Variants in SBNO2 observed in about 807,000 individuals in gnomAD.
SBNO2 encodes the protein protein strawberry notch homolog 2.
SBNO2 carries 89 observed loss-of-function variants against 146.3 expected under a neutral mutation model. That is an observed-to-expected ratio of 0.61 (90% CI 0.51 to 0.73). The LOEUF is 0.73. Ranked by LOEUF, SBNO2 falls within the 30% of genes least tolerant of loss-of-function variation. The pLI, the probability that SBNO2 is intolerant of heterozygous loss-of-function variation, is 0.00. For missense variants in SBNO2, 2,092 were observed against 2,003.7 expected (o/e 1.04, Z -0.84); for synonymous variants, 1,147 against 892.6 (o/e 1.29, Z -5.08).
intron 1 of SBNO2, among the ~76,000 whole-genome samples, chr19:1,172,703 G>A (rs906643801): frequency 3.3e-5 from 5 of 150,656 alleles, no homozygotes; most frequent in Admixed American, 1.3e-4. Flanking sequence ...TGCGGCCCTG[G>A]GTCCTCGGCC....
intron 1 of SBNO2, among the ~76,000 whole-genome samples, chr19:1,159,285 C>T (rs920689300): frequency 2.0e-5 from 3 of 151,760 alleles, no homozygotes; most frequent in Admixed American, 6.6e-5. Context: ...CCAACTCGGC[C>T]GCCAGGACCG....
intron 1 of SBNO2, among the ~76,000 whole-genome samples, chr19:1,162,756 G>C (rs1437084062): frequency 1.3e-5 from 2 of 152,200 alleles, no homozygotes; most frequent in Non-Finnish European, 2.9e-5. Context: ...GAGAAACGGA[G>C]ACCAGGAACC....
intron 3 of SBNO2, among the ~76,000 whole-genome samples, chr19:1,148,375 C>T (rs896848249): frequency 1.6e-4 from 25 of 152,100 alleles, no homozygotes; most frequent in Non-Finnish European, 3.2e-4. Flanking sequence ...GCTCCCAAGC[C>T]CTTTGCACAG....
rs2145315639 is a variant in SBNO2, at chr19:1,154,329, A to G, written c.-53T>C. On this transcript the variant is annotated 5_prime_UTR_variant, in exon 2 of 32. Transcript: ENST00000361757. Reference sequence around the variant, plus strand: ...GCCGGGCAGCAGGCGGCGGGACTCCAGGACCCGGGGCCGCCGGGGCGTCTA... The same window carrying G: ...GCCGGGCAGCAGGCGGCGGGACTCCGGGACCCGGGGCCGCCGGGGCGTCTA... 1.9e-6 allele frequency: 2 copies of G among 1,068,636 alleles called. No individual in the cohort carries two copies. The highest frequency in any genetic ancestry group is 2.4e-6 in the Non-Finnish European group (2 of 836,112). 66.2% of individuals were successfully genotyped at this position (1,068,636 alleles called of 1,614,324 possible). A position where few individuals can be genotyped will look rare whatever the true frequency, so the allele number is the denominator to read the frequency against.
At position 1,156,573 on chromosome 19, in the gene SBNO2, A is replaced by G. The variant is rs116897048; in HGVS notation, c.-126-2171T>C. ...ATGCACGTCCACAGCAGCACCACTC[A>G]CAACAGCCACCCGAGGAAGCAGCCC... is the stretch of plus-strand genomic sequence containing the variant. On this transcript the variant is annotated intron_variant, in intron 1 of 31. Transcript: ENST00000361757. Among the ~76,000 whole-genome samples the G allele has an allele frequency of 5.7e-4, 86 of 152,174 alleles. No homozygotes were observed. The East Asian group carries it at 0.015, about 26-fold the overall frequency.
chr19:1,130,727 G>C (rs985854278), intron 4 of SBNO2, among the ~76,000 whole-genome samples: 5 of 152,126 alleles, frequency 3.3e-5, no homozygotes, highest in African/African-American at 4.8e-5. Context: ...AGTTGGTGGA[G>C]GTTGCAGGGA....
rs1186220948 is a variant in SBNO2 at position 1,157,407 on chromosome 19, C to CA, written c.-126-3006_-126-3005insT. Among the ~76,000 whole-genome samples, 4 of 149,444 alleles carry CA rather than the reference C, an allele frequency of 2.7e-5. No individual in the cohort carries two copies. The East Asian group carries it at 7.7e-4, about 29-fold the overall frequency. On this transcript the variant is annotated intron_variant, in intron 1 of 31. Coordinates refer to ENST00000361757, the MANE Select transcript of SBNO2 (RefSeq NM_014963.3). The surrounding 1 kb of genome is among the most constrained non-coding windows in gnomAD (Gnocchi z 6.8). ...CAGCCCCGGAGACGCTCTCCCCACG[C>CA]GGCCCCGGAGACCCTCTCCCCACGC...
At chr19:1,166,621 A>G (rs78311122) in intron 1 of SBNO2, among the ~76,000 whole-genome samples, 242 of 2,548 alleles carry the variant, frequency 0.095, no homozygotes, top group South Asian at 0.25. Flanking sequence ...GCACGCGCAC[A>G]CACACACACA....
At chr19:1,111,157 C>T in intron 24 of SBNO2, 64 bp from the exon 25 acceptor site, 1 of 1,500,986 alleles carries the variant, frequency 6.7e-7, no homozygotes, top group Non-Finnish European at 8.9e-7. Flanking sequence ...AAGCCCCTAG[C>T]TCCTTTTCCA....
At chr19:1,139,416 G>T (rs888090010) in intron 4 of SBNO2, among the ~76,000 whole-genome samples, 1 of 152,092 alleles carries the variant, frequency 6.6e-6, no homozygotes, top group South Asian at 2.1e-4. Flanking sequence ...CATGGTGATG[G>T]CTGAACAGCT....
chr19:1,123,962 G>C lies in SBNO2; in HGVS notation c.502C>G (p.Pro168Ala). 1.9e-6 allele frequency: 3 copies of C among 1,611,920 alleles called. No individual in the cohort carries two copies. Among genetic ancestry groups the C allele is most frequent in the Non-Finnish European group, 2.5e-6 (3 of 1,179,374 alleles). ...CTCACCTGGTAGCTGACGAGAAGCG[G>C]GGTGCTGTGGGAGGGCAGAAAGTCC... ...FEDFLPSHST[P>A]LLVSYQEQSV... Residue 168 changes from proline (P) to alanine (A), a missense_variant, in exon 6 of 32, where the codon CCG becomes GCG. Physicochemically the swap from Pro to Ala is conservative, Grantham distance 27. Transcript: ENST00000361757.
In SBNO2 at chr19:1,122,178, C is replaced by A; in HGVS notation, c.1110G>T (p.Arg370=). The A allele has an allele frequency of 1.3e-6, 2 of 1,532,472 alleles. No individual in the cohort carries two copies. Among genetic ancestry groups the A allele is most frequent in the East Asian group, 4.9e-5 (2 of 40,528 alleles). 94.9% of individuals were successfully genotyped at this position (1,532,472 alleles called of 1,614,324 possible). Residue 370 remains arginine, a synonymous_variant, in exon 11 of 32, where the codon CGG becomes CGT. Transcript: ENST00000361757. ...CCTCCCCACACCAGTCCAGGATCTG[C>A]CGGAGGCGAGTGCGGTGCTGGCCGC... ...QAGGQHRTRL[R]QILDWCGEAF...
chr19:1,149,329 G>A (rs2080221169), intron 3 of SBNO2, 40 bp downstream of exon 3: 1 of 1,522,200 alleles, frequency 6.6e-7, no homozygotes, highest in Non-Finnish European at 8.9e-7. Context: ...TTCAGAATGA[G>A]CAAGCCTGGG....
At chr19:1,170,087 G>C (rs781229050) in intron 1 of SBNO2, among the ~76,000 whole-genome samples, 1 of 152,206 alleles carries the variant, frequency 6.6e-6, no homozygotes, top group Non-Finnish European at 1.5e-5. Flanking sequence ...TGCGTCTGGC[G>C]TCTCTCCGCA....
intron 17 of SBNO2, 86 bp from the exon 18 acceptor site, chr19:1,114,508 C>G: frequency 8.4e-7 from 1 of 1,187,668 alleles, no homozygotes; most frequent in Non-Finnish European, 1.1e-6. Flanking sequence ...CAGAGCAAGG[C>G]CAGTGGTCCG....
intron 1 of SBNO2, among the ~76,000 whole-genome samples, chr19:1,159,620 AGTGGGGGGACAGCGGGGGATG>A (rs2080325084): frequency 3.4e-5 from 1 of 29,338 alleles, no homozygotes; most frequent in African/African-American, 1.6e-4. Context: ...AGTGGGGGGC[AGTGGGGGGACAGCGGGGGATG>A]GTGGGGGGAC....
intron 4 of SBNO2, among the ~76,000 whole-genome samples, chr19:1,145,502 G>C (rs1395657883): frequency 1.3e-5 from 2 of 151,400 alleles, no homozygotes. Context: ...AGAAAGAAAG[G>C]AAAGAGAGAA....
chr19:1,115,947 G>T (rs767595702), intron 17 of SBNO2, 74 bp downstream of exon 17: 9 of 1,206,222 alleles, frequency 7.5e-6, no homozygotes, highest in African/African-American at 1.5e-5. Flanking sequence ...GGGAAGCAGG[G>T]AGCGACCAGC....
At chr19:1,164,683 G>A (rs1364818891) in intron 1 of SBNO2, among the ~76,000 whole-genome samples, 7 of 112,992 alleles carry the variant, frequency 6.2e-5, no homozygotes, top group African/African-American at 9.2e-5. Context: ...AGGAGGAGGA[G>A]GAGGAGGAGG....
Sources: allele counts gnomAD v4.1 joint callset (sites outside exome capture counted in the v4.1 genomes callset), GRCh38; gene constraint gnomAD v4.1.1; non-coding constraint Gnocchi (gnomAD v3.1); transcripts MANE v1.5; gene names NCBI Gene and HGNC (gene_info 2026-07-23, HGNC 2026-07-21).